PRAG1: variants seen among roughly 807,000 people sequenced by gnomAD.
PRAG1 encodes inactive tyrosine-protein kinase PRAG1.
Under a neutral mutation model 95.6 loss-of-function variants are expected in PRAG1, and 110 were observed. That is an observed-to-expected ratio of 1.15 (90% CI 0.99 to 1.35). The LOEUF (loss-of-function observed/expected upper bound fraction) is 1.35, where lower values mean the gene tolerates loss of function less well. PRAG1 is among the 40% of genes most tolerant of loss of function. PRAG1 has a pLI of 0.00. For synonymous variants in PRAG1, 1,052 were observed against 819.4 expected (o/e 1.28, Z -4.85); for missense variants, 2,554 against 1,864.7 (o/e 1.37, Z -6.81).
intron 3 of PRAG1, among the ~76,000 whole-genome samples, chr8:8,353,002 A>G (rs1370366111): frequency 6.6e-6 from 1 of 152,212 alleles, no homozygotes; most frequent in Non-Finnish European, 1.5e-5. Flanking sequence ...AAAGGGGGTG[A>G]TTTATCAAGA....
intron 3 of PRAG1, among the ~76,000 whole-genome samples, chr8:8,359,786 C>T (rs1585256556): frequency 1.3e-5 from 2 of 152,152 alleles, no homozygotes; most frequent in Admixed American, 1.3e-4. Flanking sequence ...TTTCATCTAT[C>T]GCAGTTAACA....
At chr8:8,384,443 T>C (rs1800781971) in intron 1 of PRAG1, among the ~76,000 whole-genome samples, 1 of 151,972 alleles carries the variant, frequency 6.6e-6, no homozygotes, top group African/African-American at 2.4e-5. Flanking sequence ...GCAACTTTCA[T>C]CACACGACTG....
chr8:8,344,805 G>A (rs990156492), intron 3 of PRAG1, among the ~76,000 whole-genome samples: 2 of 152,162 alleles, frequency 1.3e-5, no homozygotes, highest in Admixed American at 1.3e-4. Flanking sequence ...AAATAACACA[G>A]TGGGATTTCC....
At position 8,377,043 on chromosome 8, in the gene PRAG1, C is replaced by T. The variant is rs774413609; in HGVS notation, c.1366G>A (p.Ala456Thr). The change falls in exon 3 of 6, where the codon GCA becomes ACA. Residue 456 changes from alanine (A) to threonine (T), a missense_variant. Ala to Thr is a moderately conservative substitution (Grantham distance 58). Transcript: ENST00000615670. ...CTGNAWAQKA[A>T]SGWGRDSPDP... Reference sequence around the variant, plus strand: ...GGGCTGTCCCGGCCCCAGCCAGATGCTGCTTTCTGGGCCCAGGCATTACCT... The same window carrying T: ...GGGCTGTCCCGGCCCCAGCCAGATGTTGCTTTCTGGGCCCAGGCATTACCT... 9.3e-6 allele frequency: 15 copies of T among 1,614,024 alleles called. No individual in the cohort carries two copies. In the East Asian group the frequency reaches 3.1e-4, roughly 34 times the overall value.
At chr8:8,370,133 A>G (rs994396122) in intron 3 of PRAG1, among the ~76,000 whole-genome samples, 1 of 152,268 alleles carries the variant, frequency 6.6e-6, no homozygotes, top group African/African-American at 2.4e-5. Flanking sequence ...TGTTGAATAC[A>G]TACTGCTGTC....
In PRAG1 at chr8:8,376,717, C is replaced by T. The variant is rs1426727412; in HGVS notation, c.1692G>A (p.Gly564=). The change falls in exon 3 of 6, where the codon GGG becomes GGA. Residue 564 remains glycine (G), a synonymous_variant. Transcript: ENST00000615670. ...VGSPVSPSAG[G]PPVSPLADLS... is the part of the protein sequence containing the mutation. ...GGTCAGCCAGCGGTGACACTGGGGG[C>T]CCTCCAGCAGACGGTGACACCGGGG... 1.2e-6 allele frequency: 2 copies of T among 1,610,356 alleles called. No homozygotes were observed. The highest frequency in any genetic ancestry group is 2.7e-5 in the African/African-American group (2 of 74,906).
chr8:8,335,987 G>A (rs1434240175), intron 4 of PRAG1, among the ~76,000 whole-genome samples: 3 of 152,200 alleles, frequency 2.0e-5, no homozygotes, highest in Non-Finnish European at 2.9e-5. Context: ...AGAAAAACAA[G>A]CTGACTGACT....
chr8:8,376,904 G>A lies in PRAG1; in HGVS notation c.1505C>T (p.Pro502Leu), dbSNP rs910532042. Reference protein sequence around the residue: ...SPDSAVGVQWPRGPVSQNSEV... With the variant: ...SPDSAVGVQWLRGPVSQNSEV... ...GGAGTTCTGGCTCACAGGCCCTCGT[G>A]GCCACTGCACCCCCACTGCAGAGTC... The change falls in exon 3 of 6, where the codon CCA (proline) becomes CTA (leucine). Residue 502 changes from proline to leucine, a missense_variant. Coordinates refer to ENST00000615670, the MANE Select transcript of PRAG1 (RefSeq NM_001080826.3). 1.2e-6 allele frequency: 2 copies of A among 1,613,342 alleles called. No individual in the cohort carries two copies. Among genetic ancestry groups the A allele is most frequent in the Non-Finnish European group, 8.5e-7 (1 of 1,180,024 alleles).
intron 4 of PRAG1, among the ~76,000 whole-genome samples, chr8:8,331,180 G>A (rs938799961): frequency 1.3e-5 from 2 of 152,154 alleles, no homozygotes; most frequent in African/African-American, 2.4e-5. Flanking sequence ...CCCATCCCAA[G>A]TCCAGTCGGC....
chr8:8,318,207 A>G lies in PRAG1; in HGVS notation c.4168T>C (p.Ser1390Pro). ...TGTAAGAGGGCCCCGGGCTCCGCAG[A>G]CGCCAGGTACTGGCAGCAAAGCCAG... ...EDWLCCQYLA[S>P]AEPGALLQSL... Residue 1390 changes from serine (S) to proline (P), a missense_variant, in exon 6 of 6, where the codon TCT (serine) becomes CCT (proline). By Grantham distance (74) the Ser-to-Pro change is moderately conservative (BLOSUM62 -1). Coordinates refer to ENST00000615670, the MANE Select transcript of PRAG1 (RefSeq NM_001080826.3). This position sits in a 1 kb window ranked among gnomAD's most constrained non-coding sequence, Gnocchi z 4.2. 9.3e-6 allele frequency: 15 copies of G among 1,614,122 alleles called. No individual in the cohort carries two copies. The highest frequency in any genetic ancestry group is 1.3e-5 in the Non-Finnish European group (15 of 1,180,022).
rs117977359 is a variant in PRAG1 at position 8,348,886 on chromosome 8, C to T, written c.2163-9251G>A. Reference sequence around the variant, plus strand: ...TTGAGGAGCTGTGTCACAGTTGAGACGTGCTGGAACACAGAGTCATTATTA... The same window carrying T: ...TTGAGGAGCTGTGTCACAGTTGAGATGTGCTGGAACACAGAGTCATTATTA... On this transcript the variant is annotated intron_variant, in intron 3 of 5. Coordinates refer to ENST00000615670, the MANE Select transcript of PRAG1 (RefSeq NM_001080826.3). Among the ~76,000 whole-genome samples the T allele has an allele frequency of 6.4e-4, 98 of 152,310 alleles. 3 individuals carry two copies. In the East Asian group the frequency reaches 0.016, roughly 25 times the overall value.
intron 2 of PRAG1, 122 bp from the exon 3 acceptor site, chr8:8,378,200 G>A: frequency 1.7e-6 from 2 of 1,181,212 alleles, no homozygotes; most frequent in South Asian, 1.7e-5. Flanking sequence ...GCAGTGCAGG[G>A]GCGCTGGGGC....
intron 3 of PRAG1, among the ~76,000 whole-genome samples, chr8:8,372,910 C>T (rs2116922996): frequency 6.6e-6 from 1 of 152,316 alleles, no homozygotes; most frequent in South Asian, 2.1e-4. Context: ...CTGTCTCTCT[C>T]ACACCATGTA....
chr8:8,342,251 T>A (rs1055344732), intron 3 of PRAG1, among the ~76,000 whole-genome samples: 1 of 150,912 alleles, frequency 6.6e-6, no homozygotes, highest in Non-Finnish European at 1.5e-5. Context: ...TGGAGTGCAG[T>A]GGCACCATCT....
At chr8:8,373,766 CT>C (rs1264841507) in intron 3 of PRAG1, among the ~76,000 whole-genome samples, 1 of 152,018 alleles carries the variant, frequency 6.6e-6, no homozygotes, top group Non-Finnish European at 1.5e-5. Flanking sequence ...CTTTTTAATT[CT>C]TTTTTCTCCT....
intron 4 of PRAG1, among the ~76,000 whole-genome samples, chr8:8,332,746 G>C (rs757349247): frequency 4.0e-5 from 6 of 150,176 alleles, no homozygotes; most frequent in Middle Eastern, 3.2e-3. Flanking sequence ...GATGAAATTG[G>C]TTTCTCCACT....
chr8:8,376,669 G>A lies in PRAG1; in HGVS notation c.1740C>T (p.Gly580=), dbSNP rs1800409521. 2 of 1,610,814 alleles carry A rather than the reference G, an allele frequency of 1.2e-6. No individual in the cohort carries two copies. The highest frequency in any genetic ancestry group is 1.3e-5 in the African/African-American group (1 of 74,850). ...ATGGAGGCTGGGGCCCAATGCTGCT[G>A]CCGCCAGAGCTCCCATCACTAAGGT... ...LADLSDGSSG[G]SSIGPQPPSQ... is the part of the protein sequence containing the mutation. The change falls in exon 3 of 6, where the codon GGC becomes GGT. Residue 580 remains glycine (G), a synonymous_variant. Coordinates refer to ENST00000615670, the MANE Select transcript of PRAG1 (RefSeq NM_001080826.3).
intron 3 of PRAG1, among the ~76,000 whole-genome samples, chr8:8,350,693 C>A (rs571516613): frequency 6.6e-6 from 1 of 152,300 alleles, no homozygotes; most frequent in South Asian, 2.1e-4. Flanking sequence ...ACTGGTGCTT[C>A]ACGGCCTGGG....
intron 1 of PRAG1, among the ~76,000 whole-genome samples, chr8:8,385,749 G>T (rs971535820): frequency 1.3e-5 from 2 of 152,254 alleles, no homozygotes; most frequent in East Asian, 3.9e-4. Flanking sequence ...CTAAGTGTGT[G>T]TGTCCCCGGA....
Sources: gnomAD v4.1 joint callset for allele counts (sites outside exome capture counted in the v4.1 genomes callset) on GRCh38, gnomAD v4.1.1 for gene constraint, Gnocchi (gnomAD v3.1) non-coding constraint, MANE v1.5 for transcripts, NCBI Gene and HGNC (gene_info 2026-07-23, HGNC 2026-07-21) for gene names.